The following LRRC4B variants were observed in gnomAD, a reference collection of about 807,000 sequenced individuals.
LRRC4B encodes leucine rich repeat containing 4B.
LRRC4B carries 1 observed loss-of-function variant against 7.3 expected under a neutral mutation model. The observed-to-expected ratio is 0.14, with a 90% confidence interval of 0.05 to 0.65. LRRC4B has a LOEUF of 0.65. Ranked by LOEUF, LRRC4B falls within the 30% of genes least tolerant of loss-of-function variation. The probability of loss-of-function intolerance (pLI) is 0.84; values close to 1 mark genes in which losing one functional copy is unlikely to be tolerated. For synonymous variants in LRRC4B, 500 were observed against 499.2 expected (o/e 1.00, Z -0.02); for missense variants, 730 against 1,041.6 (o/e 0.70, Z 4.12).
intron 1 of LRRC4B, among the ~76,000 whole-genome samples, chr19:50,566,759 T>C (rs986550633): frequency 1.4e-5 from 2 of 146,848 alleles, no homozygotes; most frequent in Non-Finnish European, 3.0e-5. Context: ...AGAGCTAGGA[T>C]TGGGGGGGTC....
At chr19:50,560,639 G>T (rs1982431655) in intron 1 of LRRC4B, among the ~76,000 whole-genome samples, 1 of 151,978 alleles carries the variant, frequency 6.6e-6, no homozygotes, top group Non-Finnish European at 1.5e-5. Flanking sequence ...AGGAAAACTG[G>T]GTTGAAACTC....
chr19:50,568,248 CTTCT>C lies in LRRC4B; in HGVS notation c.-344_-341del, dbSNP rs1258308272. ...CTTCCTTCTTGCCTTCCTTTCTTTCCTTCTTTCTTTCCTGGCTTCCTTCCTTCCA... is the reference window on the plus strand; with the variant it reads ...CTTCCTTCTTGCCTTCCTTTCTTTCCTTCTTTCCTGGCTTCCTTCCTTCCA... On this transcript the variant is annotated 5_prime_UTR_variant, in exon 1 of 3. Coordinates refer to ENST00000652263, the MANE Select transcript of LRRC4B (RefSeq NM_001080457.2). Among the ~76,000 whole-genome samples, 1 of 151,800 alleles carries C rather than the reference CTTCT, an allele frequency of 6.6e-6. No homozygotes were observed. The highest frequency in any genetic ancestry group is 1.5e-5 in the Non-Finnish European group (1 of 67,908).
chr19:50,518,732 C>T lies in LRRC4B; in HGVS notation c.981G>A (p.Lys327=), dbSNP rs1237204781. 6.2e-7 allele frequency: 1 copy of T among 1,614,034 alleles called. No individual in the cohort carries two copies. The highest frequency in any genetic ancestry group is 2.2e-5 in the East Asian group (1 of 44,872). Residue 327 remains lysine, a synonymous_variant, in exon 3 of 3, where the codon AAG becomes AAA. Coordinates refer to ENST00000652263, the MANE Select transcript of LRRC4B (RefSeq NM_001080457.2). The stretch of plus-strand genomic sequence containing the variant: ...ACGTCGTGTTGCTGGGCACCGTCTC[C>T]TTGAGCCACCAGCTCAGCCAGAGCA... The part of the protein sequence containing the change: ...CDVLWLSWWL[K]ETVPSNTTCC...
intron 1 of LRRC4B, among the ~76,000 whole-genome samples, chr19:50,566,794 G>A (rs1320159893): frequency 6.6e-6 from 1 of 151,558 alleles, no homozygotes; most frequent in East Asian, 2.0e-4. Flanking sequence ...ACTATGGGGT[G>A]AGGAGACAAC....
intron 1 of LRRC4B, among the ~76,000 whole-genome samples, chr19:50,559,156 C>G (rs543186555): frequency 6.6e-6 from 1 of 152,220 alleles, no homozygotes; most frequent in East Asian, 1.9e-4. Context: ...AAAAGAGGGC[C>G]GGGGGTGGTG....
Position 50,517,994 on chromosome 19 carries a change from C to T in LRRC4B, c.1719G>A (p.Lys573=), listed in dbSNP as rs780735317. 1.3e-6 allele frequency: 2 copies of T among 1,541,106 alleles called. No homozygotes were observed. The highest frequency in any genetic ancestry group is 4.3e-5 in the Admixed American group (2 of 46,878). ...AGCAGCCGATGATGATTTTGGTGGT[C>T]TTCATGACGTCGTCCAGGTCCTTGA... ...NALKDLDDVM[K]TTKIIIGCFV... The change falls in exon 3 of 3, where the codon AAG becomes AAA. Residue 573 remains lysine, a synonymous_variant. Coordinates refer to ENST00000652263, the MANE Select transcript of LRRC4B (RefSeq NM_001080457.2). The surrounding 1 kb of genome is among the most constrained non-coding windows in gnomAD (Gnocchi z 6.6).
intron 1 of LRRC4B, among the ~76,000 whole-genome samples, chr19:50,559,100 G>A (rs565196548): frequency 2.0e-5 from 3 of 151,926 alleles, no homozygotes; most frequent in African/African-American, 4.8e-5. Flanking sequence ...TAGGCTTTGA[G>A]ATAAAAACTG....
intron 1 of LRRC4B, chr19:50,551,105 A>T (rs1419983189): frequency 1.7e-5 from 2 of 119,706 alleles, no homozygotes; most frequent in African/African-American, 6.4e-5. Context: ...TTCTGCAGCG[A>T]CTCGGCCTCC....
At chr19:50,562,491 G>C (rs994654604) in intron 1 of LRRC4B, among the ~76,000 whole-genome samples, 4 of 152,212 alleles carry the variant, frequency 2.6e-5, no homozygotes, top group Admixed American at 2.0e-4. Context: ...CTGGAGAGAG[G>C]GTTTGAGGCA....
chr19:50,525,317 T>C (rs1980757762), intron 2 of LRRC4B, among the ~76,000 whole-genome samples: 1 of 152,070 alleles, frequency 6.6e-6, no homozygotes, highest in Admixed American at 6.5e-5. Context: ...GTTATCGTTA[T>C]CGTTGGCGTT....
At chr19:50,531,455 G>A (rs1423620042) in intron 2 of LRRC4B, among the ~76,000 whole-genome samples, 2 of 152,218 alleles carry the variant, frequency 1.3e-5, no homozygotes, top group African/African-American at 2.4e-5. Flanking sequence ...GGAAGGGGGT[G>A]TGAAGGGAGA....
intron 2 of LRRC4B, among the ~76,000 whole-genome samples, chr19:50,540,697 G>A (rs1463459016): frequency 1.3e-5 from 2 of 151,610 alleles, no homozygotes; most frequent in African/African-American, 4.8e-5. Flanking sequence ...ATTGTGAACT[G>A]TGCAGGCGAG....
intron 2 of LRRC4B, among the ~76,000 whole-genome samples, chr19:50,522,678 A>C (rs1335555954): frequency 1.3e-5 from 2 of 152,092 alleles, no homozygotes; most frequent in Non-Finnish European, 2.9e-5. Flanking sequence ...GGGTTTTGCC[A>C]TGTTGGCCAG....
At position 50,553,544 on chromosome 19, in the gene LRRC4B, A is replaced by C. The variant is rs531232824; in HGVS notation, c.-35-4671T>G. ...CCACAGGGCTCTTGCCCTGCTCTCT[A>C]TCAGGTCCGTGCTCCAATGCTACCT... On this transcript the variant is annotated intron_variant, in intron 1 of 2. Transcript: ENST00000652263. The surrounding 1 kb of genome is among the most constrained non-coding windows in gnomAD (Gnocchi z 4.2). Among the ~76,000 whole-genome samples the C allele has an allele frequency of 2.0e-5, 3 of 151,772 alleles. No individual in the cohort carries two copies. The highest frequency in any genetic ancestry group is 6.6e-5 in the Admixed American group (1 of 15,262).
intron 2 of LRRC4B, among the ~76,000 whole-genome samples, chr19:50,541,163 G>A (rs1981529304): frequency 6.8e-6 from 1 of 147,122 alleles, no homozygotes; most frequent in South Asian, 2.2e-4. Context: ...CAGCCTGGGC[G>A]AAAATGAGAG....
intron 2 of LRRC4B, among the ~76,000 whole-genome samples, chr19:50,528,601 TC>T (rs1020427435): frequency 1.3e-5 from 2 of 152,208 alleles, no homozygotes; most frequent in Non-Finnish European, 2.9e-5. Flanking sequence ...CGCCTTGCCC[TC>T]CCAAAGTGCT....
At position 50,537,137 on chromosome 19, in the gene LRRC4B, G is replaced by A. The variant is rs1981327811; in HGVS notation, c.297+11405C>T. On this transcript the variant is annotated intron_variant, in intron 2 of 2. Coordinates refer to ENST00000652263, the MANE Select transcript of LRRC4B (RefSeq NM_001080457.2). The surrounding 1 kb of genome is among the most constrained non-coding windows in gnomAD (Gnocchi z 5.5). ...CTGAGTCACCAGGGTGCAGCGCCAG[G>A]GATAGCTACGAATTAGGAAGCATTA... Among the ~76,000 whole-genome samples, 1 of 152,140 alleles carries A rather than the reference G, an allele frequency of 6.6e-6. No homozygotes were observed. Among genetic ancestry groups the A allele is most frequent in the Non-Finnish European group, 1.5e-5 (1 of 68,016 alleles).
intron 1 of LRRC4B, among the ~76,000 whole-genome samples, chr19:50,558,121 A>G (rs1982338691): frequency 6.6e-6 from 1 of 152,048 alleles, no homozygotes; most frequent in Non-Finnish European, 1.5e-5. Flanking sequence ...AGGGGAGTCA[A>G]AAGTTACAGG....
chr19:50,528,760 G>C (rs1480921196), intron 2 of LRRC4B, among the ~76,000 whole-genome samples: 1 of 152,206 alleles, frequency 6.6e-6, no homozygotes, highest in Non-Finnish European at 1.5e-5. Context: ...GGGTGTGAAT[G>C]TATTTGCAGG....
Sources: gnomAD v4.1 joint callset for allele counts (sites outside exome capture counted in the v4.1 genomes callset) on GRCh38, gnomAD v4.1.1 for gene constraint, Gnocchi (gnomAD v3.1) non-coding constraint, MANE v1.5 for transcripts, NCBI Gene and HGNC (gene_info 2026-07-23, HGNC 2026-07-21) for gene names.